VOPP1: variants seen among roughly 807,000 people sequenced by gnomAD.
VOPP1 encodes WW domain binding protein VOPP1.
Under a neutral mutation model 23.5 loss-of-function variants are expected in VOPP1, and 8 were observed. That is an observed-to-expected ratio of 0.34 (90% CI 0.20 to 0.61). The LOEUF (loss-of-function observed/expected upper bound fraction) is 0.61. Among genes scored for constraint, VOPP1 ranks in the 20% least tolerant of loss-of-function variants. VOPP1 has a pLI of 0.78. For synonymous variants in VOPP1, 83 were observed against 97.3 expected (o/e 0.85, Z 0.86); for missense variants, 174 against 238.1 (o/e 0.73, Z 1.77).
chr7:55,506,965 C>T (rs902015021), intron 2 of VOPP1, among the ~76,000 whole-genome samples: 11 of 152,188 alleles, frequency 7.2e-5, no homozygotes, highest in Non-Finnish European at 1.3e-4. Context: ...TATAATATTA[C>T]TTAATACACT....
intron 1 of VOPP1, among the ~76,000 whole-genome samples, chr7:55,523,650 C>G (rs1477734231): frequency 6.6e-6 from 1 of 152,220 alleles, no homozygotes; most frequent in African/African-American, 2.4e-5. Context: ...GAACAACTCT[C>G]TTTCAAAACA....
downstream of VOPP1, among the ~76,000 whole-genome samples, chr7:55,466,966 G>C (rs921729370): frequency 2.3e-4 from 35 of 152,304 alleles, no homozygotes; most frequent in African/African-American, 8.2e-4. Context: ...CCACGGACCA[G>C]GGGGTGGTGG....
At chr7:55,505,721 G>C (rs1319878370) in intron 2 of VOPP1, among the ~76,000 whole-genome samples, 1 of 147,570 alleles carries the variant, frequency 6.8e-6, no homozygotes, top group African/African-American at 2.6e-5. Context: ...TTGTACATAT[G>C]ATCAACATTG....
In VOPP1 at chr7:55,503,678, G is replaced by C. The variant is rs77283547; in HGVS notation, c.114-5988C>G. The stretch of plus-strand genomic sequence containing the variant: ...ATCCGGTTACCAAGGTGAAGCCCTC[G>C]TGACAGGGTTGGGGGTCTCTGTAAG... On this transcript the variant is annotated intron_variant, in intron 2 of 4. Coordinates refer to ENST00000285279, the MANE Select transcript of VOPP1 (RefSeq NM_030796.5). Among the ~76,000 whole-genome samples, 646 of 152,270 alleles carry C rather than the reference G, an allele frequency of 4.2e-3. 3 individuals are homozygous for C. The highest frequency in any genetic ancestry group is 0.014 in the African/African-American group (593 of 41,550).
chr7:55,457,300 A>AT (rs994577776), intron 4 of VOPP1, among the ~76,000 whole-genome samples: 7 of 152,090 alleles, frequency 4.6e-5, no homozygotes, highest in Middle Eastern at 6.3e-3. Context: ...ACGGAATTTC[A>AT]TTTTTTTAAT....
intron 1 of VOPP1, among the ~76,000 whole-genome samples, chr7:55,559,694 T>C (rs1187041315): frequency 1.3e-5 from 2 of 152,264 alleles, no homozygotes; most frequent in Middle Eastern, 3.4e-3. Context: ...TACATATTTT[T>C]CCTGAGTCAT....
chr7:55,530,373 A>G (rs1011548452), intron 1 of VOPP1, among the ~76,000 whole-genome samples: 2 of 152,168 alleles, frequency 1.3e-5, no homozygotes, highest in African/African-American at 4.8e-5. Flanking sequence ...GCTCAATCAG[A>G]AGGCAAAAAA....
chr7:55,507,123 G>A (rs745518951), intron 2 of VOPP1, among the ~76,000 whole-genome samples: 1 of 152,190 alleles, frequency 6.6e-6, no homozygotes, highest in African/African-American at 2.4e-5. Flanking sequence ...CTCAAACCAG[G>A]AGGTGGTTCA....
At chr7:55,468,309 A>G (rs1205583390), downstream of VOPP1, among the ~76,000 whole-genome samples, 1 of 151,886 alleles carries the variant, frequency 6.6e-6, no homozygotes, top group Non-Finnish European at 1.5e-5. Flanking sequence ...GAAAGAAAGA[A>G]AGAAAAGAGA....
chr7:55,526,532 A>G (rs1240774529), intron 1 of VOPP1, among the ~76,000 whole-genome samples: 1 of 152,338 alleles, frequency 6.6e-6, no homozygotes, highest in East Asian at 1.9e-4. Context: ...AGGCAGGCAC[A>G]GCTGACTTGG....
chr7:55,527,844 T>C (rs1391665997), intron 1 of VOPP1, among the ~76,000 whole-genome samples: 1 of 152,140 alleles, frequency 6.6e-6, no homozygotes, highest in East Asian at 1.9e-4. Flanking sequence ...AGAGACAATA[T>C]TCATTAATAA....
chr7:55,506,546 A>G (rs1794738168), intron 2 of VOPP1, among the ~76,000 whole-genome samples: 1 of 151,680 alleles, frequency 6.6e-6, no homozygotes, highest in South Asian at 2.1e-4. Context: ...CATGTTGGCC[A>G]GGCTGGTCTC....
chr7:55,564,742 ACT>A (rs755693317), intron 1 of VOPP1, among the ~76,000 whole-genome samples: 49 of 152,044 alleles, frequency 3.2e-4, no homozygotes, highest in Non-Finnish European at 5.9e-4. Context: ...CAATATAAAT[ACT>A]CTGTTAATCC....
At chr7:55,516,226 G>C (rs1057217254) in intron 2 of VOPP1, 1 of 153,574 alleles carries the variant, frequency 6.5e-6, no homozygotes, top group Non-Finnish European at 1.4e-5. Flanking sequence ...GTGAAGGGAA[G>C]TGAAGGGGGA....
At chr7:55,451,858 C>G (rs1193958924) in intron 4 of VOPP1, among the ~76,000 whole-genome samples, 1 of 152,180 alleles carries the variant, frequency 6.6e-6, no homozygotes, top group Non-Finnish European at 1.5e-5. Flanking sequence ...GGGTCATAAT[C>G]TTTTTGCTGG....
intron 3 of VOPP1, among the ~76,000 whole-genome samples, chr7:55,494,752 G>C (rs1793830142): frequency 6.6e-6 from 1 of 152,144 alleles, no homozygotes; most frequent in Admixed American, 6.5e-5. Flanking sequence ...GCACCATTGT[G>C]CTAGGCCAAG....
intron 2 of VOPP1, among the ~76,000 whole-genome samples, chr7:55,511,098 T>C (rs1795041601): frequency 1.3e-5 from 2 of 152,202 alleles, no homozygotes; most frequent in South Asian, 4.1e-4. Flanking sequence ...CAGAACCTTG[T>C]AAAGGTTTTG....
intron 1 of VOPP1, among the ~76,000 whole-genome samples, chr7:55,546,142 C>T (rs1311531482): frequency 6.6e-6 from 1 of 152,224 alleles, no homozygotes; most frequent in African/African-American, 2.4e-5. Flanking sequence ...GTTCAATCAG[C>T]TCACAGATAC....
intron 1 of VOPP1, among the ~76,000 whole-genome samples, chr7:55,534,688 G>A (rs1339781655): frequency 1.3e-5 from 2 of 152,210 alleles, no homozygotes; most frequent in Admixed American, 1.3e-4. Context: ...ACGCCATGCA[G>A]GGCCCACTCT....
Sources: gnomAD v4.1 joint callset for allele counts (sites outside exome capture counted in the v4.1 genomes callset) on GRCh38, gnomAD v4.1.1 for gene constraint, MANE v1.5 for transcripts, NCBI Gene and HGNC (gene_info 2026-07-23, HGNC 2026-07-21) for gene names.